The following CFAP298 variants were observed in gnomAD, a reference collection of about 807,000 sequenced individuals.
CFAP298 encodes cilia- and flagella-associated protein 298.
CFAP298 carries 38 observed loss-of-function variants against 41.0 expected under a neutral mutation model. The ratio of observed to expected loss-of-function variants is 0.93; its 90% CI spans 0.72 to 1.22. The LOEUF (loss-of-function observed/expected upper bound fraction) is 1.22, where lower values mean the gene tolerates loss of function less well. Ranked by LOEUF, CFAP298 falls within the 50% of genes most tolerant of loss-of-function variation. The probability of loss-of-function intolerance (pLI) is 0.00; values close to 1 mark genes in which losing one functional copy is unlikely to be tolerated. For synonymous variants in CFAP298, 137 were observed against 135.3 expected, an observed-to-expected ratio of 1.01 and a Z score of -0.09; for missense variants, 348 against 360.3, an observed-to-expected ratio of 0.97 and a Z score of 0.28.
Position 32,612,232 on chromosome 21 carries a change from C to A in CFAP298, c.12G>T (p.Leu4=). The stretch of plus-strand genomic sequence containing the variant: ...GGCTCTCGTCGCCCCGCTTCACGTG[C>A]AGCAGAACCATGGCGGTCCCGCCGA... The part of the protein sequence containing the change: MVL[L]HVKRGDESQF... The change falls in exon 1 of 7, where the codon CTG becomes CTT. Residue 4 remains leucine (L), a synonymous_variant. Coordinates refer to ENST00000290155, the MANE Select transcript of CFAP298 (RefSeq NM_021254.4). 6.2e-7 allele frequency: 1 copy of A among 1,606,262 alleles called. No individual in the cohort carries two copies. The highest frequency in any genetic ancestry group is 1.1e-5 in the South Asian group (1 of 90,062).
rs2038712745 is a variant in CFAP298, at chr21:32,600,193, T to G, written c.*1670A>C. Among the ~76,000 whole-genome samples the G allele has an allele frequency of 6.6e-6, 1 of 152,176 alleles. No homozygotes were observed. The highest frequency in any genetic ancestry group is 6.5e-5 in the Admixed American group (1 of 15,278). On this transcript the variant is annotated 3_prime_UTR_variant, in exon 7 of 7. Transcript: ENST00000290155. ...CTACATCATCCAAGGTCAAAACCCT[T>G]TCATAGAGACATTTAAAACTATAAC...
chr21:32,610,086 C>A, intron 1 of CFAP298, 81 bp from the exon 2 acceptor site: 2 of 1,260,560 alleles, frequency 1.6e-6, no homozygotes, highest in South Asian at 1.4e-5. Flanking sequence ...AGTCAGGGGT[C>A]TTGCCCATCT....
At position 32,610,050 on chromosome 21, in the gene CFAP298, A is replaced by G. The variant is rs770246587; in HGVS notation, c.140-45T>C. The G allele has an allele frequency of 4.6e-6, 7 of 1,527,540 alleles. No homozygotes were observed. The East Asian group carries it at 6.8e-5, about 15-fold the overall frequency. The allele number at this position is 1,527,540 out of a possible 1,614,324, so 94.6% of individuals were successfully genotyped here. On this transcript the variant is annotated intron_variant, in intron 1 of 6. Coordinates refer to ENST00000290155, the MANE Select transcript of CFAP298 (RefSeq NM_021254.4). The stretch of plus-strand genomic sequence containing the variant: ...CAGTATCACAATCATAACACCTCAT[A>G]CCCCATTGGAATGTAAGCTCCAAAG...
chr21:32,602,407 T>C (rs1450331683), intron 5 of CFAP298, 40 bp from the exon 6 acceptor site: 1 of 1,587,244 alleles, frequency 6.3e-7, no homozygotes, highest in Non-Finnish European at 8.5e-7. Context: ...GATTAAGGTG[T>C]TCTTAGAGTG....
In CFAP298 at chr21:32,603,260, C is replaced by CGCCTCTGCCT. The variant is rs746361802; in HGVS notation, c.557_566dup (p.Gln190GlyfsTer26). 2.2e-4 allele frequency: 356 copies of CGCCTCTGCCT among 1,614,162 alleles called. No individual in the cohort carries two copies. Among genetic ancestry groups the CGCCTCTGCCT allele is most frequent in the South Asian group, 3.1e-4 (28 of 91,086 alleles). On this transcript the variant is annotated frameshift_variant, in exon 5 of 7. Coordinates refer to ENST00000290155, the MANE Select transcript of CFAP298 (RefSeq NM_021254.4). LOFTEE classifies it high-confidence loss of function. ...GCTCCTTGGCTGCCCACCACAGCTG[C>CGCCTCTGCCT]GCCTCTGCCTCTTTAATGACGTTGA... is the stretch of plus-strand genomic sequence containing the variant.
intron 1 of CFAP298, among the ~76,000 whole-genome samples, chr21:32,610,896 G>A (rs1217078189): frequency 6.6e-6 from 1 of 151,986 alleles, no homozygotes; most frequent in Non-Finnish European, 1.5e-5. Flanking sequence ...ATACACGATA[G>A]TTATATAAAC....
intron 1 of CFAP298, among the ~76,000 whole-genome samples, chr21:32,610,278 C>T (rs1183439340): frequency 2.0e-5 from 3 of 152,168 alleles, no homozygotes; most frequent in Non-Finnish European, 4.4e-5. Context: ...CTCACTGCAG[C>T]GATCTCAGCT....
At position 32,600,676 on chromosome 21, in the gene CFAP298, C is replaced by T. The variant is rs1018252002; in HGVS notation, c.*1187G>A. ...GTGATGATGAGTTGGAGTCTTTAAA[C>T]TCAATGGTGTCCTAGATACTCAGTT... On this transcript the variant is annotated 3_prime_UTR_variant, in exon 7 of 7. Transcript: ENST00000290155. 6.6e-6 allele frequency among the ~76,000 whole-genome samples: 1 copy of T among 152,200 alleles called. No homozygotes were observed. Among genetic ancestry groups the T allele is most frequent in the Non-Finnish European group, 1.5e-5 (1 of 68,030 alleles).
intron 5 of CFAP298, 120 bp downstream of exon 5, chr21:32,603,041 A>G (rs777494795): frequency 7.4e-7 from 1 of 1,346,162 alleles, no homozygotes; most frequent in Non-Finnish European, 1.1e-6. Context: ...TTTAAACCCG[A>G]GCCAATAAGA....
In CFAP298 at chr21:32,612,136, A is replaced by T. The variant is rs777494650; in HGVS notation, c.108T>A (p.Asn36Lys). 1 of 1,568,422 alleles carries T rather than the reference A, an allele frequency of 6.4e-7. No individual in the cohort carries two copies. The highest frequency in any genetic ancestry group is 1.7e-4 in the Middle Eastern group (1 of 6,010). Residue 36 changes from asparagine (N) to lysine (K), a missense_variant, in exon 1 of 7, where the codon AAT becomes AAA. Transcript: ENST00000290155. ...AGAGGCGCTGCACCTTGAGCCGCCCATTATAGACCCGGGCCACCTGCACCG... is the reference window on the plus strand; with the variant it reads ...AGAGGCGCTGCACCTTGAGCCGCCCTTTATAGACCCGGGCCACCTGCACCG... ...ELTVQVARVY[N>K]GRLKVQRLCS...
intron 2 of CFAP298, 72 bp downstream of exon 2, chr21:32,609,766 A>T (rs2038946788): frequency 1.4e-6 from 2 of 1,423,728 alleles, no homozygotes; most frequent in Non-Finnish European, 9.5e-7. Context: ...CCGTCTCAAA[A>T]AAAAAAAAAG....
At chr21:32,609,529 C>A (rs1428995800) in intron 2 of CFAP298, among the ~76,000 whole-genome samples, 1 of 152,218 alleles carries the variant, frequency 6.6e-6, no homozygotes, top group Non-Finnish European at 1.5e-5. Flanking sequence ...CTTTGGGAGG[C>A]CGAGACCGGC....
Position 32,612,211 on chromosome 21 carries a change from C to T in CFAP298, c.33G>A (p.Glu11=). The T allele has an allele frequency of 6.2e-7, 1 of 1,607,232 alleles. No homozygotes were observed. Among genetic ancestry groups the T allele is most frequent in the Non-Finnish European group, 8.5e-7 (1 of 1,176,794 alleles). The change falls in exon 1 of 7, where the codon GAG becomes GAA. Residue 11 remains glutamate (E), a synonymous_variant. Transcript: ENST00000290155. MVLLHVKRGD[E]SQFLLQAPGS... is the part of the protein sequence containing the mutation. ...CAGGCGCCTGCAGCAGGAACTGGCT[C>T]TCGTCGCCCCGCTTCACGTGCAGCA...
intron 3 of CFAP298, 32 bp downstream of exon 3, chr21:32,607,617 C>G (rs755371024): frequency 2.8e-6 from 3 of 1,089,476 alleles, no homozygotes; most frequent in South Asian, 3.2e-5. Flanking sequence ...AAAAACCCAA[C>G]AAGTTTTAGT....
chr21:32,603,210 T>C lies in CFAP298; in HGVS notation c.617A>G (p.Asp206Gly), dbSNP rs767648561. ...GGTTTTTTCATTCTTCCCCACGTAG[T>C]CTGAAAGCTTCTTCGTTCTTCTCAG... ...KELRRTKKLS[D>G]YVGKNEKTKI... Residue 206 changes from aspartate to glycine, a missense_variant, in exon 5 of 7, where the codon GAC (aspartate) becomes GGC (glycine). Asp to Gly is a moderately conservative substitution (Grantham distance 94, BLOSUM62 -1). Coordinates refer to ENST00000290155, the MANE Select transcript of CFAP298 (RefSeq NM_021254.4). 6.2e-7 allele frequency: 1 copy of C among 1,614,222 alleles called. No individual in the cohort carries two copies. The highest frequency in any genetic ancestry group is 1.1e-5 in the South Asian group (1 of 91,086).
At chr21:32,607,567 T>G in intron 3 of CFAP298, 82 bp downstream of exon 3, 1 of 814,600 alleles carries the variant, frequency 1.2e-6, no homozygotes, top group Non-Finnish European at 2.0e-6. Context: ...CACTCCAGCC[T>G]GGGCAACAAA....
At chr21:32,607,549 CACCAT>C in intron 3 of CFAP298, 95 bp downstream of exon 3, 1 of 684,130 alleles carries the variant, frequency 1.5e-6, no homozygotes, top group South Asian at 1.7e-5. Flanking sequence ...GCCGAGATCG[CACCAT>C]TGCACTCCAG....
At chr21:32,604,103 T>G (rs1568992396) in intron 4 of CFAP298, 22 bp downstream of exon 4, 2 of 1,608,334 alleles carry the variant, frequency 1.2e-6, no homozygotes, top group Non-Finnish European at 1.7e-6. Flanking sequence ...ACCTCCAGAG[T>G]ACCCACTCAC....
In CFAP298 at chr21:32,600,024, T is replaced by C. The variant is rs1963164630; in HGVS notation, c.*1839A>G. On this transcript the variant is annotated 3_prime_UTR_variant, in exon 7 of 7. Coordinates refer to ENST00000290155, the MANE Select transcript of CFAP298 (RefSeq NM_021254.4). ...AGACTTTCTAATGATATTGAAGTAG[T>C]AGTTCCCTGAAAAGAGCTACTATGA... Among the ~76,000 whole-genome samples, 1 of 152,210 alleles carries C rather than the reference T, an allele frequency of 6.6e-6. No individual in the cohort carries two copies. The highest frequency in any genetic ancestry group is 2.4e-5 in the African/African-American group (1 of 41,464).
Sources: gnomAD v4.1 joint callset for allele counts (sites outside exome capture counted in the v4.1 genomes callset) on GRCh38, gnomAD v4.1.1 for gene constraint, MANE v1.5 for transcripts, NCBI Gene and HGNC (gene_info 2026-07-23, HGNC 2026-07-21) for gene names.